The following ARHGAP26 variants were observed in gnomAD, a reference collection of about 807,000 sequenced individuals.
ARHGAP26 encodes Rho GTPase activating protein 26.
In ARHGAP26, 38 loss-of-function variants were observed where a neutral mutation model predicts 104.8. The observed-to-expected ratio is 0.36, with a 90% confidence interval of 0.28 to 0.48. ARHGAP26 has a LOEUF of 0.48. Among genes scored for constraint, ARHGAP26 ranks in the 20% least tolerant of loss-of-function variants. The pLI is 0.99. For synonymous variants in ARHGAP26, 341 were observed against 340.0 expected (o/e 1.00, Z -0.03); for missense variants, 704 against 947.9 (o/e 0.74, Z 3.38).
rs1755289085 is a variant in ARHGAP26 at position 142,871,434 on chromosome 5, T to C, written c.155-1966T>C. On this transcript the variant is annotated intron_variant, in intron 1 of 22. Transcript: ENST00000645722. The surrounding 1 kb of genome is among the most constrained non-coding windows in gnomAD (Gnocchi z 4.1). ...TTTGTTGAGATGATTGAGTTTCTCT[T>C]GCTTATGGGGGAGGCACAGGATTGT... is the stretch of plus-strand genomic sequence containing the variant. Among the ~76,000 whole-genome samples the C allele has an allele frequency of 6.6e-6, 1 of 152,166 alleles. No individual in the cohort carries two copies. The highest frequency in any genetic ancestry group is 1.5e-5 in the Non-Finnish European group (1 of 68,034).
At chr5:143,193,267 A>T (rs1212972104) in intron 20 of ARHGAP26, among the ~76,000 whole-genome samples, 61 of 50,982 alleles carry the variant, frequency 1.2e-3, no homozygotes, top group Middle Eastern at 0.017. Context: ...TTTTTTTTTG[A>T]GGCAGAGTCT....
rs1378770115 is a variant in ARHGAP26 at position 143,222,883 on chromosome 5, TG to T, written c.*438del. 2 of 233,854 alleles carry T rather than the reference TG, an allele frequency of 8.6e-6. No homozygotes were observed. The highest frequency in any genetic ancestry group is 1.7e-5 in the Non-Finnish European group (2 of 118,476). The allele number at this position is 233,854 out of a possible 1,614,324, so 14.5% of individuals were successfully genotyped here. A position where few individuals can be genotyped will look rare whatever the true frequency, so the allele number is the denominator to read the frequency against. On this transcript the variant is annotated 3_prime_UTR_variant, in exon 23 of 23. Coordinates refer to ENST00000645722, the MANE Select transcript of ARHGAP26 (RefSeq NM_001135608.3). ...AGATCCAGGCTGGATCCATTGCTTT[TG>T]TTTACAATAGGCACTCTCTCTACCC...
chr5:142,777,942 T>C (rs1756684464), intron 1 of ARHGAP26, among the ~76,000 whole-genome samples: 1 of 152,186 alleles, frequency 6.6e-6, no homozygotes, highest in Non-Finnish European at 1.5e-5. Flanking sequence ...AAAAAGATTA[T>C]GTAGGCAGCT....
At chr5:142,919,956 C>T (rs1040650746) in intron 10 of ARHGAP26, among the ~76,000 whole-genome samples, 6 of 152,112 alleles carry the variant, frequency 3.9e-5, no homozygotes, top group African/African-American at 9.7e-5. Flanking sequence ...GAGCTGAGAT[C>T]GCGCCACCAC....
At chr5:143,190,033 G>A (rs865925043) in intron 20 of ARHGAP26, among the ~76,000 whole-genome samples, 28 of 95,334 alleles carry the variant, frequency 2.9e-4, no homozygotes, top group African/African-American at 1.1e-3. Context: ...AAGGAGGGGG[G>A]GGAAAAAAAA....
intron 1 of ARHGAP26, among the ~76,000 whole-genome samples, chr5:142,855,123 T>G (rs1265322294): frequency 6.6e-6 from 1 of 152,114 alleles, no homozygotes; most frequent in East Asian, 1.9e-4. Context: ...GGTGTGTGGT[T>G]TGCATTTTGG....
intron 12 of ARHGAP26, among the ~76,000 whole-genome samples, chr5:143,020,142 T>G (rs1780116399): frequency 6.6e-6 from 1 of 152,210 alleles, no homozygotes; most frequent in South Asian, 2.1e-4. Context: ...TAGCTCTTCC[T>G]TCAGTGAATG....
intron 20 of ARHGAP26, among the ~76,000 whole-genome samples, chr5:143,204,929 C>T (rs1313285359): frequency 2.6e-5 from 4 of 151,934 alleles, no homozygotes; most frequent in Non-Finnish European, 5.9e-5. Flanking sequence ...GTCCCTGGTT[C>T]TGCTTGGGTT....
intron 1 of ARHGAP26, among the ~76,000 whole-genome samples, chr5:142,840,080 G>A (rs1770463374): frequency 6.6e-6 from 1 of 152,174 alleles, no homozygotes; most frequent in African/African-American, 2.4e-5. Flanking sequence ...AAGAATATGT[G>A]GGATGGGATG....
At chr5:142,974,390 G>C (rs891215284) in intron 11 of ARHGAP26, among the ~76,000 whole-genome samples, 1 of 151,922 alleles carries the variant, frequency 6.6e-6, no homozygotes, top group African/African-American at 2.4e-5. Flanking sequence ...GATGCCTACA[G>C]GCTCCTAATA....
intron 1 of ARHGAP26, among the ~76,000 whole-genome samples, chr5:142,809,427 G>T (rs968645201): frequency 3.9e-5 from 6 of 152,178 alleles, no homozygotes; most frequent in African/African-American, 9.6e-5. Flanking sequence ...GCAGCACTCT[G>T]TTCTTCCTGT....
At chr5:142,890,077 G>A (rs376422593) in intron 5 of ARHGAP26, among the ~76,000 whole-genome samples, 5 of 142,590 alleles carry the variant, frequency 3.5e-5, no homozygotes, top group South Asian at 2.3e-4. Flanking sequence ...CGGAGGTTGC[G>A]GTGAGCCGAA....
At chr5:143,101,361 G>A (rs745540084) in intron 17 of ARHGAP26, among the ~76,000 whole-genome samples, 1 of 152,194 alleles carries the variant, frequency 6.6e-6, no homozygotes, top group Admixed American at 6.5e-5. Flanking sequence ...GTCTCTTGAT[G>A]TAGGGTTGTG....
intron 19 of ARHGAP26, among the ~76,000 whole-genome samples, chr5:143,139,297 T>C (rs1332077734): frequency 6.6e-6 from 1 of 152,156 alleles, no homozygotes; most frequent in Non-Finnish European, 1.5e-5. Flanking sequence ...TCCTGTGAGG[T>C]AGGTTCTTAT....
chr5:143,210,380 G>A (rs142235985), intron 21 of ARHGAP26, among the ~76,000 whole-genome samples: 381 of 152,152 alleles, frequency 2.5e-3, no homozygotes, highest in African/African-American at 8.6e-3. Context: ...ATCTCCCACC[G>A]AGTCTCTCCC....
intron 1 of ARHGAP26, among the ~76,000 whole-genome samples, chr5:142,797,181 C>G (rs1761146192): frequency 6.6e-6 from 1 of 152,164 alleles, no homozygotes; most frequent in Non-Finnish European, 1.5e-5. Context: ...AGCATTGTAT[C>G]ATTTCTCTGA....
chr5:142,770,997 G>T, intron 1 of ARHGAP26, 82 bp downstream of exon 1: 3 of 1,485,858 alleles, frequency 2.0e-6, no homozygotes, highest in Admixed American at 2.0e-5. Flanking sequence ...TTGCCCGCGC[G>T]TCTGCCGGGT....
chr5:143,066,153 A>G (rs1787451233), intron 17 of ARHGAP26, among the ~76,000 whole-genome samples: 1 of 152,230 alleles, frequency 6.6e-6, no homozygotes, highest in Non-Finnish European at 1.5e-5. Context: ...TAGATGCACA[A>G]GTACTTCCCA....
At chr5:142,967,577 C>T (rs937535579) in intron 11 of ARHGAP26, among the ~76,000 whole-genome samples, 5 of 152,142 alleles carry the variant, frequency 3.3e-5, no homozygotes, top group Non-Finnish European at 7.3e-5. Flanking sequence ...GTCAGGAGAT[C>T]GAGACCATCC....
Sources: gnomAD v4.1 joint callset for allele counts (sites outside exome capture counted in the v4.1 genomes callset) on GRCh38, gnomAD v4.1.1 for gene constraint, Gnocchi (gnomAD v3.1) non-coding constraint, MANE v1.5 for transcripts, NCBI Gene and HGNC (gene_info 2026-07-23, HGNC 2026-07-21) for gene names.